The following LRCH1 variants were observed in gnomAD, a reference collection of about 807,000 sequenced individuals.
The protein encoded by LRCH1 is leucine rich repeats and calponin homology domain containing 1.
In LRCH1, 23 loss-of-function variants were observed where a neutral mutation model predicts 94.9. The observed-to-expected ratio is 0.24, with a 90% CI of 0.17 to 0.34. LRCH1 has a LOEUF of 0.34. Among genes scored for constraint, LRCH1 ranks in the 10% least tolerant of loss-of-function variants. The pLI, the probability that LRCH1 is intolerant of heterozygous loss-of-function variation, is 1.00. For missense variants in LRCH1, 790 were observed against 945.9 expected (o/e 0.84, Z 2.16); for synonymous variants, 364 against 354.9 (o/e 1.03, Z -0.29).
At chr13:46,626,536 A>G (rs1451899574) in intron 1 of LRCH1, among the ~76,000 whole-genome samples, 1 of 152,146 alleles carries the variant, frequency 6.6e-6, no homozygotes, top group East Asian at 1.9e-4. Context: ...TGCCCGCAAA[A>G]CATTGCTCTT....
At chr13:46,573,806 G>A (rs2050267344) in intron 1 of LRCH1, among the ~76,000 whole-genome samples, 1 of 140,128 alleles carries the variant, frequency 7.1e-6, no homozygotes, top group South Asian at 2.4e-4. Flanking sequence ...GAAGGAACAA[G>A]ATCTAGTATA....
chr13:46,587,618 G>A (rs556536394), intron 1 of LRCH1, among the ~76,000 whole-genome samples: 20 of 152,118 alleles, frequency 1.3e-4, no homozygotes, highest in African/African-American at 1.7e-4. Flanking sequence ...TTCTTTTAAC[G>A]GTCATGGTTA....
chr13:46,663,585 C>T (rs1443414931), intron 2 of LRCH1, among the ~76,000 whole-genome samples: 3 of 152,162 alleles, frequency 2.0e-5, no homozygotes, highest in Non-Finnish European at 4.4e-5. Context: ...AAAAGTTACT[C>T]TAACTTTGAT....
intron 18 of LRCH1, 59 bp from the exon 19 acceptor site, chr13:46,733,862 G>A: frequency 9.6e-7 from 1 of 1,039,456 alleles, no homozygotes; most frequent in Non-Finnish European, 1.4e-6. Flanking sequence ...AATTTAACAT[G>A]TTATTAAAAT....
rs187055924 is a variant in LRCH1, at chr13:46,689,877, G to A, written c.1014+681G>A. Reference sequence around the variant, plus strand: ...AGAGTCCCCAAAATCTAACACTAATGTATCATTAAATGGAGCTTCTTGGCC... The same window carrying A: ...AGAGTCCCCAAAATCTAACACTAATATATCATTAAATGGAGCTTCTTGGCC... On this transcript the variant is annotated intron_variant, in intron 7 of 19. Coordinates refer to ENST00000389797, the MANE Select transcript of LRCH1 (RefSeq NM_001164211.2). Among the ~76,000 whole-genome samples, 330 of 152,192 alleles carry A rather than the reference G, an allele frequency of 2.2e-3. 2 individuals are homozygous for A. Among genetic ancestry groups the A allele is most frequent in the African/African-American group, 7.5e-3 (312 of 41,534 alleles).
Position 46,743,740 on chromosome 13 carries a change from AAAAAAG to A in LRCH1, c.*1897_*1902del. On this transcript the variant is annotated 3_prime_UTR_variant, in exon 20 of 20. Coordinates refer to ENST00000389797, the MANE Select transcript of LRCH1 (RefSeq NM_001164211.2). ...CTTTCTGGGGAGAAAATGGGAAAAA[AAAAAAG>A]AAAACTTACTGGGTTGCCACCTTAA... The A allele has an allele frequency of 9.1e-6, 9 of 985,400 alleles. No homozygotes were observed. The highest frequency in any genetic ancestry group is 1.1e-5 in the Non-Finnish European group (9 of 829,904). The allele number at this position is 985,400 out of a possible 1,614,324, so 61.0% of individuals were successfully genotyped here. A position where few individuals can be genotyped will look rare whatever the true frequency, so the allele number is the denominator to read the frequency against.
intron 1 of LRCH1, among the ~76,000 whole-genome samples, chr13:46,558,273 CATT>C (rs1427480700): frequency 6.6e-6 from 1 of 152,094 alleles, no homozygotes; most frequent in Non-Finnish European, 1.5e-5. Flanking sequence ...CACTGATGGA[CATT>C]GTGTGTAGAA....
intron 1 of LRCH1, among the ~76,000 whole-genome samples, chr13:46,592,750 C>G (rs542348250): frequency 1.3e-5 from 2 of 152,274 alleles, no homozygotes; most frequent in East Asian, 3.9e-4. Flanking sequence ...GTTCTTTGAG[C>G]TGAAGAATGT....
At chr13:46,613,722 T>C (rs2050773314) in intron 1 of LRCH1, among the ~76,000 whole-genome samples, 1 of 152,228 alleles carries the variant, frequency 6.6e-6, no homozygotes, top group African/African-American at 2.4e-5. Flanking sequence ...GGGTCATTGA[T>C]AGCTTGTAGC....
At chr13:46,630,734 C>T (rs1158650846) in intron 1 of LRCH1, among the ~76,000 whole-genome samples, 1 of 152,168 alleles carries the variant, frequency 6.6e-6, no homozygotes, top group Non-Finnish European at 1.5e-5. Flanking sequence ...GGCTTTCCTT[C>T]CTTTGTAAAA....
rs568809754 is a variant in LRCH1, at chr13:46,721,992, G to A, written c.1760-1229G>A. ...GTAGTTAGGCGAGCACAGGACTTTT[G>A]ATTACACCGAGCGGACTCAAGTCTT... On this transcript the variant is annotated intron_variant, in intron 16 of 19. Coordinates refer to ENST00000389797, the MANE Select transcript of LRCH1 (RefSeq NM_001164211.2). Among the ~76,000 whole-genome samples, 5 of 152,306 alleles carry A rather than the reference G, an allele frequency of 3.3e-5. No individual in the cohort carries two copies. In the South Asian group the frequency reaches 8.3e-4, roughly 25 times the overall value.
At chr13:46,704,995 A>G in intron 11 of LRCH1, 73 bp from the exon 12 acceptor site, 1 of 808,020 alleles carries the variant, frequency 1.2e-6, no homozygotes, top group Non-Finnish European at 2.0e-6. Context: ...ATTTAAACTG[A>G]ATAAGACCAA....
intron 2 of LRCH1, among the ~76,000 whole-genome samples, chr13:46,660,187 A>AT (rs925146185): frequency 2.1e-4 from 31 of 150,514 alleles, no homozygotes; most frequent in East Asian, 1.4e-3. Context: ...AATTTTTTGT[A>AT]TTTTTTTTAG....
chr13:46,723,773 C>T (rs1417212551), intron 17 of LRCH1, among the ~76,000 whole-genome samples: 2 of 151,692 alleles, frequency 1.3e-5, no homozygotes, highest in African/African-American at 4.8e-5. Flanking sequence ...TCACTTCAGC[C>T]TGGGTGACAA....
At chr13:46,560,155 T>C (rs2050114960) in intron 1 of LRCH1, among the ~76,000 whole-genome samples, 1 of 59,366 alleles carries the variant, frequency 1.7e-5, no homozygotes, top group African/African-American at 3.5e-5. Flanking sequence ...ATATAGACTT[T>C]TTATATTTCA....
At chr13:46,627,299 A>G (rs2050961395) in intron 1 of LRCH1, among the ~76,000 whole-genome samples, 1 of 152,146 alleles carries the variant, frequency 6.6e-6, no homozygotes, top group Non-Finnish European at 1.5e-5. Context: ...GTGATTCTAT[A>G]TATGCCGGTA....
chr13:46,711,190 C>T (rs1177029089), intron 13 of LRCH1, among the ~76,000 whole-genome samples: 1 of 152,206 alleles, frequency 6.6e-6, no homozygotes, highest in Non-Finnish European at 1.5e-5. Flanking sequence ...TTCAGTGATG[C>T]TACCATCTAC....
At chr13:46,704,442 G>A (rs9595517) in intron 11 of LRCH1, among the ~76,000 whole-genome samples, 2,165 of 152,080 alleles carry the variant, frequency 0.014, 38 homozygotes, top group African/African-American at 0.049. Context: ...AAGGCCTTCT[G>A]ATTGTTAGTT....
chr13:46,707,423 T>C (rs1021899950), intron 13 of LRCH1, among the ~76,000 whole-genome samples: 6 of 152,220 alleles, frequency 3.9e-5, no homozygotes, highest in Non-Finnish European at 5.9e-5. Context: ...TTTGGTGATG[T>C]TAATTTATCA....
Sources: gnomAD v4.1 joint callset for allele counts (sites outside exome capture counted in the v4.1 genomes callset) on GRCh38, gnomAD v4.1.1 for gene constraint, MANE v1.5 for transcripts, NCBI Gene and HGNC (gene_info 2026-07-23, HGNC 2026-07-21) for gene names.